The following GMDS variants were observed in gnomAD, a reference collection of about 807,000 sequenced individuals.
The protein encoded by GMDS is GDP-mannose 4,6-dehydratase.
Under a neutral mutation model 49.9 loss-of-function variants are expected in GMDS, and 20 were observed. That is an observed-to-expected ratio of 0.40 (90% CI 0.28 to 0.58). The LOEUF (loss-of-function observed/expected upper bound fraction) is 0.58. Ranked by LOEUF, GMDS falls within the 20% of genes least tolerant of loss-of-function variation. GMDS has a pLI of 0.42. For synonymous variants in GMDS, 177 were observed against 178.6 expected, an observed-to-expected ratio of 0.99 and a Z score of 0.07; for missense variants, 362 against 481.4, an observed-to-expected ratio of 0.75 and a Z score of 2.32.
rs575823625 is a variant in GMDS, at chr6:2,049,726, C to T, written c.345+66045G>A. ...GACAGATAAAAAGGTTAGAGCGATGCCTCAAAACCGCACAACAACATGGAG... is the reference window on the plus strand; with the variant it reads ...GACAGATAAAAAGGTTAGAGCGATGTCTCAAAACCGCACAACAACATGGAG... On this transcript the variant is annotated intron_variant, in intron 4 of 10. Transcript: ENST00000380815. 7.0e-4 allele frequency among the ~76,000 whole-genome samples: 106 copies of T among 152,122 alleles called. 1 individual carries two copies. Among genetic ancestry groups the T allele is most frequent in the African/African-American group, 2.5e-3 (103 of 41,510 alleles).
chr6:1,736,661 G>T (rs1767010986), intron 8 of GMDS, among the ~76,000 whole-genome samples: 1 of 152,196 alleles, frequency 6.6e-6, no homozygotes, highest in South Asian at 2.1e-4. Context: ...GCTGAGGTGG[G>T]AGTTAAATCT....
At position 2,162,437 on chromosome 6, in the gene GMDS, A is replaced by T. The variant is rs577413972; in HGVS notation, c.103-37706T>A. Reference sequence around the variant, plus strand: ...AATCAAATAATAGACATCTGTTTCCAAAGTTCTTTCCCATAATTTTTTCCT... The same window carrying T: ...AATCAAATAATAGACATCTGTTTCCTAAGTTCTTTCCCATAATTTTTTCCT... On this transcript the variant is annotated intron_variant, in intron 1 of 10. Transcript: ENST00000380815. Among the ~76,000 whole-genome samples the T allele has an allele frequency of 1.3e-5, 2 of 152,280 alleles. 1 individual carries two copies. Among genetic ancestry groups the T allele is most frequent in the South Asian group, 4.1e-4 (2 of 4,822 alleles).
intron 7 of GMDS, among the ~76,000 whole-genome samples, chr6:1,863,168 G>A (rs1221928003): frequency 6.6e-6 from 1 of 152,068 alleles, no homozygotes; most frequent in Admixed American, 6.6e-5. Context: ...GGCTGTAAGG[G>A]GCTAGGGGGA....
At chr6:2,073,332 ACT>A (rs1295041766) in intron 4 of GMDS, among the ~76,000 whole-genome samples, 1 of 152,086 alleles carries the variant, frequency 6.6e-6, no homozygotes, top group African/African-American at 2.4e-5. Context: ...AGAAAATGAC[ACT>A]CTGTTTATAG....
At chr6:1,712,613 C>T (rs1766013287) in intron 9 of GMDS, among the ~76,000 whole-genome samples, 1 of 152,188 alleles carries the variant, frequency 6.6e-6, no homozygotes, top group Admixed American at 6.5e-5. Flanking sequence ...ATCATCAACT[C>T]AGGGTTTGAA....
At chr6:1,774,846 T>C (rs1334115588) in intron 7 of GMDS, among the ~76,000 whole-genome samples, 5 of 151,970 alleles carry the variant, frequency 3.3e-5, no homozygotes, top group Admixed American at 2.6e-4. Flanking sequence ...AGACTGGAGA[T>C]TGAGGAAAGG....
chr6:2,201,063 G>C (rs1490412698), intron 1 of GMDS, among the ~76,000 whole-genome samples: 1 of 140,318 alleles, frequency 7.1e-6, no homozygotes, highest in Non-Finnish European at 1.5e-5. Context: ...GGGCATCCGA[G>C]ATGAAACCAT....
At chr6:1,973,812 A>C (rs927941157) in intron 4 of GMDS, among the ~76,000 whole-genome samples, 1 of 152,208 alleles carries the variant, frequency 6.6e-6, no homozygotes, top group East Asian at 1.9e-4. Context: ...ACAACAACAA[A>C]AAAAAGAGAA....
chr6:2,038,118 G>A (rs1769412761), intron 4 of GMDS, among the ~76,000 whole-genome samples: 1 of 152,144 alleles, frequency 6.6e-6, no homozygotes, highest in African/African-American at 2.4e-5. Flanking sequence ...ATTAAAGCCT[G>A]AAGTTGGGCT....
chr6:2,106,544 T>C (rs1485676081), intron 4 of GMDS, among the ~76,000 whole-genome samples: 1 of 152,190 alleles, frequency 6.6e-6, no homozygotes, highest in Non-Finnish European at 1.5e-5. Flanking sequence ...CACCTTAATT[T>C]ATGTAAATTA....
chr6:2,212,472 C>T (rs1023215999), intron 1 of GMDS, among the ~76,000 whole-genome samples: 2 of 152,090 alleles, frequency 1.3e-5, no homozygotes, highest in African/African-American at 2.4e-5. Flanking sequence ...AACATTACAA[C>T]AATTTTTAGA....
chr6:1,665,340 C>A (rs760406885), intron 9 of GMDS, among the ~76,000 whole-genome samples: 4 of 152,102 alleles, frequency 2.6e-5, no homozygotes, highest in Non-Finnish European at 5.9e-5. Context: ...AGGTAATGGG[C>A]CAGCCTAAGA....
At chr6:1,660,235 C>A (rs1764023923) in intron 9 of GMDS, among the ~76,000 whole-genome samples, 1 of 152,026 alleles carries the variant, frequency 6.6e-6, no homozygotes. Flanking sequence ...AAACCATGTG[C>A]CAATTACATT....
chr6:2,116,724 T>C (rs1774871924), intron 3 of GMDS, among the ~76,000 whole-genome samples: 1 of 152,216 alleles, frequency 6.6e-6, no homozygotes, highest in Non-Finnish European at 1.5e-5. Context: ...GCTGACTGTA[T>C]CGTCCTTGCT....
chr6:2,039,039 T>C (rs1769483537), intron 4 of GMDS, among the ~76,000 whole-genome samples: 1 of 152,166 alleles, frequency 6.6e-6, no homozygotes, highest in South Asian at 2.1e-4. Context: ...TAAACCTGGA[T>C]GGTACAGCCT....
At chr6:1,643,342 C>T (rs1292760934) in intron 9 of GMDS, among the ~76,000 whole-genome samples, 3 of 152,192 alleles carry the variant, frequency 2.0e-5, no homozygotes, top group African/African-American at 4.8e-5. Context: ...AATTTCCTTA[C>T]GCCTTCCTGA....
In GMDS at chr6:1,710,563, G is replaced by C. The variant is rs147091806; in HGVS notation, c.987+15853C>G. 1.7e-3 allele frequency among the ~76,000 whole-genome samples: 263 copies of C among 152,300 alleles called. 3 individuals are homozygous for C. Among genetic ancestry groups the C allele is most frequent in the Non-Finnish European group, 3.7e-4 (25 of 68,028 alleles). ...CCAAAAACAACCAAAACACACGTCT[G>C]CCCTGACATGGCAGATACACTTTTG... On this transcript the variant is annotated intron_variant, in intron 9 of 10. Transcript: ENST00000380815.
intron 1 of GMDS, among the ~76,000 whole-genome samples, chr6:2,244,731 G>A (rs1781780598): frequency 6.6e-6 from 1 of 152,052 alleles, no homozygotes; most frequent in African/African-American, 2.4e-5. Context: ...CTCAGAAGTT[G>A]GCGTGATTTT....
chr6:2,040,477 A>C (rs1268951248), intron 4 of GMDS, among the ~76,000 whole-genome samples: 1 of 152,220 alleles, frequency 6.6e-6, no homozygotes, highest in African/African-American at 2.4e-5. Flanking sequence ...CTTACTTGCT[A>C]TCAGAAAGGA....
Sources: gnomAD v4.1 joint callset for allele counts (sites outside exome capture counted in the v4.1 genomes callset) on GRCh38, gnomAD v4.1.1 for gene constraint, MANE v1.5 for transcripts, NCBI Gene and HGNC (gene_info 2026-07-23, HGNC 2026-07-21) for gene names.